The following KIRREL3 variants were observed in gnomAD, a reference collection of about 807,000 sequenced individuals.
KIRREL3 encodes the protein kin of IRRE-like protein 3.
A neutral mutation model predicts 89.7 loss-of-function variants in KIRREL3; 36 were observed. The observed-to-expected ratio is 0.40, with a 90% CI of 0.31 to 0.53. The LOEUF (loss-of-function observed/expected upper bound fraction) is 0.53, where lower values mean the gene tolerates loss of function less well. Ranked by LOEUF, KIRREL3 falls within the 20% of genes least tolerant of loss-of-function variation. The pLI is 0.49. For synonymous variants in KIRREL3, 445 were observed against 441.4 expected (o/e 1.01, Z -0.10); for missense variants, 864 against 1,056.6 (o/e 0.82, Z 2.53).
At chr11:126,875,956 C>T (rs1342101418) in intron 1 of KIRREL3, among the ~76,000 whole-genome samples, 1 of 152,124 alleles carries the variant, frequency 6.6e-6, no homozygotes, top group Non-Finnish European at 1.5e-5. Flanking sequence ...ATGCTAGAAA[C>T]AGGCAAAGGC....
rs376352384 is a variant in KIRREL3, at chr11:126,525,350, G to A, written c.283+1188C>T. On this transcript the variant is annotated intron_variant, in intron 3 of 16. Coordinates refer to ENST00000525144, the MANE Select transcript of KIRREL3 (RefSeq NM_032531.4). The surrounding 1 kb of genome is among the most constrained non-coding windows in gnomAD (Gnocchi z 5.4). ...GAGTTTCTCTAGGGTAAAGGCGTTC[G>A]GAGTCTCTGAAATTGGCTGGTTCCC... is the stretch of plus-strand genomic sequence containing the variant. 3.3e-5 allele frequency among the ~76,000 whole-genome samples: 5 copies of A among 152,152 alleles called. No homozygotes were observed. The highest frequency in any genetic ancestry group is 4.4e-5 in the Non-Finnish European group (3 of 68,034).
chr11:126,622,988 CGAG>C lies in KIRREL3; in HGVS notation c.56-60079_56-60077del, dbSNP rs1943634852. The stretch of plus-strand genomic sequence containing the variant: ...GTCACACAGCTAGAGAGTGGTAGAC[CGAG>C]AATTCAAACCCAGGCAATCTGATGC... On this transcript the variant is annotated intron_variant, in intron 1 of 16. Coordinates refer to ENST00000525144, the MANE Select transcript of KIRREL3 (RefSeq NM_032531.4). The surrounding 1 kb of genome is among the most constrained non-coding windows in gnomAD (Gnocchi z 5.2). 6.6e-6 allele frequency among the ~76,000 whole-genome samples: 1 copy of C among 152,032 alleles called. No homozygotes were observed. The highest frequency in any genetic ancestry group is 1.5e-5 in the Non-Finnish European group (1 of 68,004).
rs551913997 is a variant in KIRREL3 at position 126,627,283 on chromosome 11, G to A, written c.56-64371C>T. Among the ~76,000 whole-genome samples, 7 of 152,202 alleles carry A rather than the reference G, an allele frequency of 4.6e-5. No individual in the cohort carries two copies. The highest frequency in any genetic ancestry group is 1.0e-4 in the Non-Finnish European group (7 of 68,042). On this transcript the variant is annotated intron_variant, in intron 1 of 16. Transcript: ENST00000525144. The surrounding 1 kb of genome is among the most constrained non-coding windows in gnomAD (Gnocchi z 5.0). ...CTGTAGGATGCTGAGGATTCCTGGG[G>A]GAGATGAGGAAGGAGACAGAGGCTG... is the stretch of plus-strand genomic sequence containing the variant.
chr11:126,815,148 T>C (rs1483822543), intron 1 of KIRREL3, among the ~76,000 whole-genome samples: 3 of 152,188 alleles, frequency 2.0e-5, no homozygotes, highest in African/African-American at 7.2e-5. Flanking sequence ...TGGCTTGCAG[T>C]TTTGTCTTTA....
rs113580425 is a variant in KIRREL3 at position 126,673,659 on chromosome 11, T to C, written c.56-110747A>G. Among the ~76,000 whole-genome samples the C allele has an allele frequency of 3.0e-3, 462 of 152,328 alleles. 1 individual carries two copies. The highest frequency in any genetic ancestry group is 6.8e-3 in the Middle Eastern group (2 of 294). ...GGCTCAGGGCCTCACTCATCACACG[T>C]GTGCCTTCCATGGGATGTCCTGGAG... On this transcript the variant is annotated intron_variant, in intron 1 of 16. Transcript: ENST00000525144.
At chr11:126,824,461 C>G (rs148432809) in intron 1 of KIRREL3, among the ~76,000 whole-genome samples, 2 of 152,352 alleles carry the variant, frequency 1.3e-5, no homozygotes, top group Non-Finnish European at 2.9e-5. Flanking sequence ...CGTCACACAT[C>G]TAGCTGTGGC....
rs1327367240 is a variant in KIRREL3, at chr11:126,569,497, G to T, written c.56-6585C>A. On this transcript the variant is annotated intron_variant, in intron 1 of 16. Coordinates refer to ENST00000525144, the MANE Select transcript of KIRREL3 (RefSeq NM_032531.4). The surrounding 1 kb of genome is among the most constrained non-coding windows in gnomAD (Gnocchi z 6.5). ...CAGACACTCGCAAAGAGGCCACTAA[G>T]TGCTGGGCACTATGTGCAAGAGAAA... Among the ~76,000 whole-genome samples the T allele has an allele frequency of 6.6e-6, 1 of 152,186 alleles. No individual in the cohort carries two copies. Among genetic ancestry groups the T allele is most frequent in the Non-Finnish European group, 1.5e-5 (1 of 68,052 alleles).
intron 2 of KIRREL3, among the ~76,000 whole-genome samples, chr11:126,539,171 T>A (rs1416786636): frequency 6.6e-6 from 1 of 152,192 alleles, no homozygotes; most frequent in Non-Finnish European, 1.5e-5. Context: ...TTGAGTTGTT[T>A]GTGAGAATGA....
At position 126,486,490 on chromosome 11, in the gene KIRREL3, C is replaced by A. The variant is rs1032606933; in HGVS notation, c.434-13024G>T. Among the ~76,000 whole-genome samples the A allele has an allele frequency of 3.3e-5, 5 of 152,236 alleles. No individual in the cohort carries two copies. Among genetic ancestry groups the A allele is most frequent in the Non-Finnish European group, 7.3e-5 (5 of 68,050 alleles). On this transcript the variant is annotated intron_variant, in intron 4 of 16. Transcript: ENST00000525144. The surrounding 1 kb of genome is among the most constrained non-coding windows in gnomAD (Gnocchi z 6.2). ...TCTTAGGTGTGTTTGCAGGAATAAC[C>A]GGCACATGCCCCCTTGCAGCCGCTC...
chr11:126,874,118 G>C (rs972209047), intron 1 of KIRREL3, among the ~76,000 whole-genome samples: 2 of 152,180 alleles, frequency 1.3e-5, no homozygotes, highest in Non-Finnish European at 2.9e-5. Flanking sequence ...TGGCCTGATA[G>C]CATTTGCCAA....
chr11:126,439,037 ACTTTT>A (rs750397759), intron 11 of KIRREL3, among the ~76,000 whole-genome samples: 5 of 152,208 alleles, frequency 3.3e-5, no homozygotes, highest in Non-Finnish European at 7.3e-5. Context: ...TAAAATGCTC[ACTTTT>A]CTTTGTTTTC....
Position 126,525,837 on chromosome 11 carries a change from T to C in KIRREL3, c.283+701A>G, listed in dbSNP as rs370311948. 3.2e-4 allele frequency among the ~76,000 whole-genome samples: 48 copies of C among 152,090 alleles called. No individual in the cohort carries two copies. Among genetic ancestry groups the C allele is most frequent in the African/African-American group, 1.1e-3 (46 of 41,484 alleles). On this transcript the variant is annotated intron_variant, in intron 3 of 16. Transcript: ENST00000525144. This position sits in a 1 kb window ranked among gnomAD's most constrained non-coding sequence, Gnocchi z 5.4. ...CTTTTTTTTTCTCCAGGGAAGAGGATGGATTGGAAAAGCGTCTGTATGGTC... is the reference window on the plus strand; with the variant it reads ...CTTTTTTTTTCTCCAGGGAAGAGGACGGATTGGAAAAGCGTCTGTATGGTC...
chr11:126,547,701 G>A (rs753421642), intron 2 of KIRREL3, among the ~76,000 whole-genome samples: 35 of 152,284 alleles, frequency 2.3e-4, no homozygotes, highest in African/African-American at 7.9e-4. Context: ...GTGGCGGAGT[G>A]GGGGGTCTGT....
At chr11:126,932,108 C>T (rs1390065901) in intron 1 of KIRREL3, among the ~76,000 whole-genome samples, 1 of 152,186 alleles carries the variant, frequency 6.6e-6, no homozygotes, top group Non-Finnish European at 1.5e-5. Context: ...CTCTGCCTGA[C>T]CTCCCAGAGC....
chr11:126,760,830 T>C (rs540612812), intron 1 of KIRREL3, among the ~76,000 whole-genome samples: 1 of 152,332 alleles, frequency 6.6e-6, no homozygotes, highest in East Asian at 1.9e-4. Context: ...TACCTATTGA[T>C]AGGATTGTTT....
intron 1 of KIRREL3, among the ~76,000 whole-genome samples, chr11:126,810,418 C>A (rs1051065972): frequency 2.0e-5 from 3 of 152,148 alleles, no homozygotes; most frequent in Non-Finnish European, 4.4e-5. Context: ...TGCTGGGAGG[C>A]CTTTCTTCTG....
intron 1 of KIRREL3, among the ~76,000 whole-genome samples, chr11:126,979,050 G>A (rs1439544171): frequency 6.6e-6 from 1 of 152,170 alleles, no homozygotes; most frequent in African/African-American, 2.4e-5. Context: ...ACAGTGAAAA[G>A]CGCAAACTCT....
At chr11:126,505,837 T>C (rs1957999032) in intron 4 of KIRREL3, among the ~76,000 whole-genome samples, 1 of 152,222 alleles carries the variant, frequency 6.6e-6, no homozygotes, top group Non-Finnish European at 1.5e-5. Flanking sequence ...TCCATGTTCA[T>C]GGATGGGAAT....
In KIRREL3 at chr11:126,694,613, C is replaced by T. The variant is rs747249427; in HGVS notation, c.56-131701G>A. ...TCTGCTCTTGTGGATGAATGAATGG[C>T]GGTGACAAATCAAACTTTAATCTGG... is the stretch of plus-strand genomic sequence containing the variant. On this transcript the variant is annotated intron_variant, in intron 1 of 16. Transcript: ENST00000525144. The surrounding 1 kb of genome is among the most constrained non-coding windows in gnomAD (Gnocchi z 4.4). Among the ~76,000 whole-genome samples the T allele has an allele frequency of 2.6e-5, 4 of 152,080 alleles. No homozygotes were observed. The highest frequency in any genetic ancestry group is 4.4e-5 in the Non-Finnish European group (3 of 68,020).
Sources: allele counts gnomAD v4.1 joint callset (sites outside exome capture counted in the v4.1 genomes callset), GRCh38; gene constraint gnomAD v4.1.1; non-coding constraint Gnocchi (gnomAD v3.1); transcripts MANE v1.5; gene names NCBI Gene and HGNC (gene_info 2026-07-23, HGNC 2026-07-21).